EDN3: variants seen among roughly 807,000 people sequenced by gnomAD.
The protein encoded by EDN3 is endothelin 3, also known as endothelin-3.
EDN3 carries 9 observed loss-of-function variants against 21.4 expected under a neutral mutation model. The ratio of observed to expected loss-of-function variants is 0.42; its 90% CI spans 0.25 to 0.73. The LOEUF (loss-of-function observed/expected upper bound fraction) is 0.73. Ranked by LOEUF, EDN3 falls within the 30% of genes least tolerant of loss-of-function variation. The pLI is 0.26. For missense variants in EDN3, 327 were observed against 309.4 expected (o/e 1.06, Z -0.43); for synonymous variants, 133 against 126.2 (o/e 1.05, Z -0.36).
At chr20:59,321,615 G>A (rs989897510) in intron 3 of EDN3, among the ~76,000 whole-genome samples, 2 of 152,284 alleles carry the variant, frequency 1.3e-5, no homozygotes, top group Admixed American at 6.5e-5. Flanking sequence ...GGGAGGGGGG[G>A]GAACCCAGCA....
At position 59,301,628 on chromosome 20, in the gene EDN3, C is replaced by T; in HGVS notation, c.271C>T (p.His91Tyr). The T allele has an allele frequency of 6.2e-7, 1 of 1,614,162 alleles. No homozygotes were observed. The highest frequency in any genetic ancestry group is 8.5e-7 in the Non-Finnish European group (1 of 1,180,010). The change falls in exon 2 of 5, where the codon CAC becomes TAC. Residue 91 changes from histidine to tyrosine, a missense_variant. Physicochemically the swap from His to Tyr is moderately conservative, Grantham distance 83. Coordinates refer to ENST00000337938, the MANE Select transcript of EDN3 (RefSeq NM_207034.3). ...GCAGGCGGCCGAGGGGGCCCCTGAGCACCACCGATCCAGGCGCTGCACGTG... is the reference window on the plus strand; with the variant it reads ...GCAGGCGGCCGAGGGGGCCCCTGAGTACCACCGATCCAGGCGCTGCACGTG... ...QEQAAEGAPE[H>Y]HRSRRCTCFT... is the part of the protein sequence containing the mutation.
At position 59,325,866 on chromosome 20, in the gene EDN3, C is replaced by T. The variant is rs898019947; in HGVS notation, c.*1407C>T. On this transcript the variant is annotated 3_prime_UTR_variant, in exon 5 of 5. Transcript: ENST00000337938. ...CTCATACTCCTTAGAGCTTGAATTA[C>T]ATTTTTAAAATGCATATGTGCTGTT... 1 of 152,200 alleles carries T rather than the reference C, an allele frequency of 6.6e-6. No individual in the cohort carries two copies. The highest frequency in any genetic ancestry group is 2.4e-5 in the African/African-American group (1 of 41,438). 9.4% of individuals were successfully genotyped at this position (152,200 alleles called of 1,614,324 possible). A position where few individuals can be genotyped will look rare whatever the true frequency, so the allele number is the denominator to read the frequency against.
In EDN3 at chr20:59,322,259, G is replaced by T; in HGVS notation, c.543-113G>T. 8.4e-7 allele frequency: 1 copy of T among 1,191,846 alleles called. No individual in the cohort carries two copies. The highest frequency in any genetic ancestry group is 1.2e-5 in the South Asian group (1 of 80,206). 73.8% of individuals were successfully genotyped at this position (1,191,846 alleles called of 1,614,324 possible). On this transcript the variant is annotated intron_variant, in intron 3 of 4. Transcript: ENST00000337938. The surrounding 1 kb of genome is among the most constrained non-coding windows in gnomAD (Gnocchi z 4.1). ...AACTGTGCCTGAGACGCAGTCCTTGGGGAACGCACTAATGTGCTCATTGGT... is the reference window on the plus strand; with the variant it reads ...AACTGTGCCTGAGACGCAGTCCTTGTGGAACGCACTAATGTGCTCATTGGT...
At chr20:59,311,880 G>A (rs1033857326) in intron 2 of EDN3, among the ~76,000 whole-genome samples, 2 of 152,144 alleles carry the variant, frequency 1.3e-5, no homozygotes, top group Non-Finnish European at 2.9e-5. Flanking sequence ...AGGTTAGGTG[G>A]AAGATGAGCG....
At position 59,311,313 on chromosome 20, in the gene EDN3, C is replaced by T. The variant is rs568280016; in HGVS notation, c.365+9591C>T. ...AGCAAGAAAGAATTCAAGGCAAGTCCATAGAGTAAAGCGAAAGCAAATGTA... is the reference window on the plus strand; with the variant it reads ...AGCAAGAAAGAATTCAAGGCAAGTCTATAGAGTAAAGCGAAAGCAAATGTA... On this transcript the variant is annotated intron_variant, in intron 2 of 4. Transcript: ENST00000337938. Among the ~76,000 whole-genome samples, 32 of 152,218 alleles carry T rather than the reference C, an allele frequency of 2.1e-4. 1 individual carries two copies. Among genetic ancestry groups the T allele is most frequent in the Admixed American group, 1.7e-3 (26 of 15,304 alleles).
chr20:59,307,494 C>T (rs956589590), intron 2 of EDN3, among the ~76,000 whole-genome samples: 2 of 152,230 alleles, frequency 1.3e-5, no homozygotes, highest in African/African-American at 4.8e-5. Context: ...CCCTGTAAGC[C>T]TCCTCCTGTG....
intron 2 of EDN3, among the ~76,000 whole-genome samples, chr20:59,307,406 C>T (rs11570283): frequency 3.9e-5 from 6 of 152,228 alleles, no homozygotes; most frequent in South Asian, 2.1e-4. Flanking sequence ...GCCCAGGAGG[C>T]GGAGTCAGTT....
At chr20:59,319,119 C>T (rs1990366973) in intron 2 of EDN3, among the ~76,000 whole-genome samples, 3 of 152,180 alleles carry the variant, frequency 2.0e-5, no homozygotes, top group Non-Finnish European at 2.9e-5. Flanking sequence ...CCTCTGTCTC[C>T]GTTTCCTGAG....
At chr20:59,323,809 C>T (rs1464857301) in intron 4 of EDN3, 3 of 436,528 alleles carry the variant, frequency 6.9e-6, no homozygotes, top group African/African-American at 6.0e-5. Flanking sequence ...GCACACCGGT[C>T]CTTTTGCTGT....
chr20:59,306,595 T>TAAAAA (rs57144708), intron 2 of EDN3, among the ~76,000 whole-genome samples: 53 of 62,446 alleles, frequency 8.5e-4, no homozygotes, highest in African/African-American at 4.0e-3. Flanking sequence ...GCATAAAGAG[T>TAAAAA]AAAAAAAAAA....
intron 2 of EDN3, among the ~76,000 whole-genome samples, chr20:59,303,748 G>A (rs1444397386): frequency 6.6e-6 from 1 of 152,136 alleles, no homozygotes; most frequent in African/African-American, 2.4e-5. Context: ...TCATGATTTC[G>A]AGTTTGTCCT....
At chr20:59,321,853 A>G (rs1188687134) in intron 3 of EDN3, among the ~76,000 whole-genome samples, 1 of 152,214 alleles carries the variant, frequency 6.6e-6, no homozygotes, top group East Asian at 1.9e-4. Context: ...GGCAGACTCC[A>G]TGTTTGACCC....
intron 2 of EDN3, among the ~76,000 whole-genome samples, chr20:59,310,163 A>G (rs992066704): frequency 3.2e-4 from 48 of 152,042 alleles, no homozygotes; most frequent in African/African-American, 1.2e-3. Flanking sequence ...CCAGTTCCAA[A>G]CCTCAGAGGG....
At chr20:59,307,559 C>T (rs919767339) in intron 2 of EDN3, among the ~76,000 whole-genome samples, 6 of 152,190 alleles carry the variant, frequency 3.9e-5, no homozygotes, top group Non-Finnish European at 7.3e-5. Context: ...TTAGATGACT[C>T]CTGCTTTCGT....
chr20:59,311,949 C>T (rs745862714), intron 2 of EDN3, among the ~76,000 whole-genome samples: 15 of 152,288 alleles, frequency 9.8e-5, no homozygotes, highest in East Asian at 1.9e-4. Context: ...TCTTTTCCAT[C>T]CTTAACCTGG....
intron 1 of EDN3, among the ~76,000 whole-genome samples, chr20:59,301,068 C>T (rs1040878336): frequency 6.6e-6 from 1 of 152,156 alleles, no homozygotes; most frequent in Non-Finnish European, 1.5e-5. Flanking sequence ...AGTTGCAGCC[C>T]GCGCACTGGC....
At position 59,321,186 on chromosome 20, in the gene EDN3, G is replaced by A. The variant is rs767453373; in HGVS notation, c.535G>A (p.Val179Ile). 8 of 1,614,236 alleles carry A rather than the reference G, an allele frequency of 5.0e-6. No individual in the cohort carries two copies. Among genetic ancestry groups the A allele is most frequent in the South Asian group, 2.2e-5 (2 of 91,082 alleles). Residue 179 changes from valine to isoleucine, a missense_variant, in exon 3 of 5, where the codon GTC (valine) becomes ATC (isoleucine). Transcript: ENST00000337938. ...GCACTTTTGCACCCAAACTCTGGAC[G>A]TCAGCAGGTATGACACCTCCTCCAG... ...CLHFCTQTLD[V>I]SSNSRTAEKT...
intron 2 of EDN3, among the ~76,000 whole-genome samples, chr20:59,314,038 C>T (rs938453860): frequency 4.6e-5 from 7 of 152,158 alleles, no homozygotes; most frequent in Non-Finnish European, 8.8e-5. Context: ...GGCTCTGAGC[C>T]TCCTGGGAAG....
At chr20:59,303,888 A>G (rs1382976059) in intron 2 of EDN3, among the ~76,000 whole-genome samples, 1 of 152,122 alleles carries the variant, frequency 6.6e-6, no homozygotes, top group Non-Finnish European at 1.5e-5. Flanking sequence ...AGAAGGATTA[A>G]ATCTGGTGTT....
Sources: gnomAD v4.1 joint callset for allele counts (sites outside exome capture counted in the v4.1 genomes callset) on GRCh38, gnomAD v4.1.1 for gene constraint, Gnocchi (gnomAD v3.1) non-coding constraint, MANE v1.5 for transcripts, NCBI Gene and HGNC (gene_info 2026-07-23, HGNC 2026-07-21) for gene names.